Variants in MGAT4C observed in about 807,000 individuals in gnomAD.
MGAT4C encodes the protein MGAT4 family member C.
A neutral mutation model predicts 40.1 loss-of-function variants in MGAT4C; 19 were observed. The ratio of observed to expected loss-of-function variants is 0.47; its 90% confidence interval spans 0.33 to 0.70. The LOEUF is 0.70. Among genes scored for constraint, MGAT4C ranks in the 30% least tolerant of loss-of-function variants. The probability of loss-of-function intolerance (pLI) is 0.02; values close to 1 mark genes in which losing one functional copy is unlikely to be tolerated. For synonymous variants in MGAT4C, 181 were observed against 187.1 expected (o/e 0.97, Z 0.27); for missense variants, 491 against 563.2 (o/e 0.87, Z 1.30).
chr12:86,741,999 CTTAT>C lies in MGAT4C; in HGVS notation c.-261-14762_-261-14759del, dbSNP rs373656720. Among the ~76,000 whole-genome samples, 39 of 151,424 alleles carry C rather than the reference CTTAT, an allele frequency of 2.6e-4. No individual in the cohort carries two copies. In the East Asian group the frequency reaches 4.3e-3, roughly 17 times the overall value. On this transcript the variant is annotated intron_variant, in intron 1 of 7. Transcript: ENST00000548651. Reference sequence around the variant, plus strand: ...GATTATGTACCTTTAACTTGTAAGGCTTATTTGTTTATTTAGACATTGAAAATTA... The same window carrying C: ...GATTATGTACCTTTAACTTGTAAGGCTTGTTTATTTAGACATTGAAAATTA...
intron 1 of MGAT4C, among the ~76,000 whole-genome samples, chr12:86,144,347 T>G (rs140622384): frequency 0.019 from 2,865 of 152,266 alleles, 41 homozygotes; most frequent in Middle Eastern, 0.037. Context: ...CGCTGATAGA[T>G]TCTCCTAATT....
chr12:86,569,623 A>C (rs146149706), intron 2 of MGAT4C, among the ~76,000 whole-genome samples: 1,573 of 152,220 alleles, frequency 0.01, 9 homozygotes, highest in Non-Finnish European at 0.014. Flanking sequence ...ACGGAAAAAC[A>C]GTACTGATAT....
intron 1 of MGAT4C, among the ~76,000 whole-genome samples, chr12:86,741,520 T>G (rs1951069348): frequency 6.6e-6 from 1 of 151,466 alleles, no homozygotes; most frequent in South Asian, 2.1e-4. Context: ...CCAACGTGTT[T>G]TGTTTGGTGG....
chr12:86,323,221 A>T (rs1472999879), intron 4 of MGAT4C, among the ~76,000 whole-genome samples: 1 of 151,578 alleles, frequency 6.6e-6, no homozygotes, highest in Non-Finnish European at 1.5e-5. Flanking sequence ...TTCTCATTGC[A>T]ATCCTAAATA....
chr12:86,077,028 C>T (rs1229341269), intron 1 of MGAT4C, among the ~76,000 whole-genome samples: 1 of 152,136 alleles, frequency 6.6e-6, no homozygotes, highest in African/African-American at 2.4e-5. Flanking sequence ...ACATTCTAGC[C>T]CTGCTGCCAG....
chr12:86,052,869 C>G (rs894511630), intron 1 of MGAT4C, among the ~76,000 whole-genome samples: 4 of 151,954 alleles, frequency 2.6e-5, no homozygotes, highest in Admixed American at 2.6e-4. Flanking sequence ...TCTGTCCCAT[C>G]TGGAAGAAAA....
chr12:86,420,935 G>GTA (rs1592824392), intron 3 of MGAT4C, among the ~76,000 whole-genome samples: 1 of 150,968 alleles, frequency 6.6e-6, no homozygotes, highest in South Asian at 2.1e-4. Context: ...ACATATACAT[G>GTA]TGTATATATA....
At chr12:86,115,732 T>A (rs114248049) in intron 1 of MGAT4C, among the ~76,000 whole-genome samples, 561 of 152,114 alleles carry the variant, frequency 3.7e-3, no homozygotes, top group African/African-American at 0.013. Flanking sequence ...TCGAAGAAAT[T>A]CAAGATGTTT....
At chr12:86,806,050 A>G (rs1479414661) in intron 1 of MGAT4C, among the ~76,000 whole-genome samples, 1 of 151,696 alleles carries the variant, frequency 6.6e-6, no homozygotes, top group Non-Finnish European at 1.5e-5. Context: ...CTTTTGCTTT[A>G]TCAGTTAAGA....
chr12:85,999,403 A>C (rs1887023627), intron 2 of MGAT4C, among the ~76,000 whole-genome samples: 1 of 152,174 alleles, frequency 6.6e-6, no homozygotes, highest in Admixed American at 6.5e-5. Flanking sequence ...AATTATATAC[A>C]AATGTTCACA....
At chr12:86,716,878 G>A (rs943077045) in intron 2 of MGAT4C, among the ~76,000 whole-genome samples, 3 of 152,088 alleles carry the variant, frequency 2.0e-5, no homozygotes, top group Non-Finnish European at 4.4e-5. Context: ...TTTTGGGAGA[G>A]TTCGGGTATT....
At chr12:86,749,428 A>G (rs931048519) in intron 1 of MGAT4C, among the ~76,000 whole-genome samples, 1 of 151,692 alleles carries the variant, frequency 6.6e-6, no homozygotes, top group Non-Finnish European at 1.5e-5. Flanking sequence ...CAATTGTTTT[A>G]TGAGGAAATA....
intron 1 of MGAT4C, among the ~76,000 whole-genome samples, chr12:86,092,510 T>C (rs924831929): frequency 5.3e-5 from 8 of 152,078 alleles, no homozygotes; most frequent in African/African-American, 1.7e-4. Flanking sequence ...AAAAAGACGC[T>C]AAAATATTAT....
chr12:86,126,598 C>G (rs1880306053), intron 1 of MGAT4C, among the ~76,000 whole-genome samples: 1 of 152,088 alleles, frequency 6.6e-6, no homozygotes, highest in East Asian at 1.9e-4. Flanking sequence ...ACTTCAAATA[C>G]TGATAAATGT....
intron 2 of MGAT4C, among the ~76,000 whole-genome samples, chr12:86,671,327 C>CT (rs148374922): frequency 6.6e-6 from 1 of 151,970 alleles, no homozygotes; most frequent in East Asian, 1.9e-4. Flanking sequence ...GCGAGCTGCA[C>CT]TTTTTTTTCT....
chr12:85,994,423 G>C (rs1886361685), intron 2 of MGAT4C, among the ~76,000 whole-genome samples: 1 of 152,026 alleles, frequency 6.6e-6, no homozygotes, highest in Non-Finnish European at 1.5e-5. Context: ...AGCAGAATAG[G>C]CTGAGAAGCC....
In MGAT4C at chr12:86,507,566, T is replaced by A. The variant is rs933710197; in HGVS notation, c.-228-72301A>T. ...TTCCTTGCCACTTGTCCAAAGCAGA[T>A]TAGAGACACAGGAAGTAAAATGCAT... On this transcript the variant is annotated intron_variant, in intron 2 of 7. Coordinates refer to the MGAT4C transcript ENST00000548651. Among the ~76,000 whole-genome samples, 4 of 152,144 alleles carry A rather than the reference T, an allele frequency of 2.6e-5. 1 individual carries two copies. The highest frequency in any genetic ancestry group is 5.9e-5 in the Non-Finnish European group (4 of 68,008).
At chr12:85,985,742 T>G (rs559358516) in intron 3 of MGAT4C, among the ~76,000 whole-genome samples, 2 of 152,186 alleles carry the variant, frequency 1.3e-5, no homozygotes, top group Non-Finnish European at 2.9e-5. Flanking sequence ...CATTGGTGTT[T>G]ACCTGCATAC....
intron 1 of MGAT4C, among the ~76,000 whole-genome samples, chr12:86,176,742 A>T (rs1362375152): frequency 6.6e-6 from 1 of 150,952 alleles, no homozygotes. Context: ...TAGCAATGAC[A>T]TTAAAATATT....
Sources: gnomAD v4.1 joint callset for allele counts (sites outside exome capture counted in the v4.1 genomes callset) on GRCh38, gnomAD v4.1.1 for gene constraint, MANE v1.5 for transcripts, NCBI Gene and HGNC (gene_info 2026-07-23, HGNC 2026-07-21) for gene names.